Variants in SCN7A observed in about 807,000 individuals in gnomAD.
SCN7A encodes sodium channel protein type 7 subunit alpha.
A neutral mutation model predicts 155.2 loss-of-function variants in SCN7A; 138 were observed. That is an observed-to-expected ratio of 0.89 (90% CI 0.77 to 1.02). The LOEUF is 1.02. SCN7A is among the 50% of genes least tolerant of loss of function. The pLI is 0.00. For missense variants in SCN7A, 2,058 were observed against 1,986.6 expected (o/e 1.04, Z -0.68); for synonymous variants, 693 against 649.0 (o/e 1.07, Z -1.03).
At chr2:166,478,153 T>G (rs922017414) in intron 2 of SCN7A, among the ~76,000 whole-genome samples, 1 of 151,852 alleles carries the variant, frequency 6.6e-6, no homozygotes, top group Non-Finnish European at 1.5e-5. Context: ...CTCTGATTAC[T>G]TTTTTCAAAT....
At chr2:166,459,801 A>T (rs183897345) in intron 10 of SCN7A, among the ~76,000 whole-genome samples, 2 of 152,340 alleles carry the variant, frequency 1.3e-5, no homozygotes, top group East Asian at 3.9e-4. Context: ...CAGCCATAAA[A>T]AAGAATGAGT....
chr2:166,431,180 G>A (rs1057487018), intron 16 of SCN7A, among the ~76,000 whole-genome samples: 25 of 152,012 alleles, frequency 1.6e-4, no homozygotes, highest in Non-Finnish European at 2.4e-4. Context: ...AATCTTTAAC[G>A]AAGATTGAGA....
intron 3 of SCN7A, among the ~76,000 whole-genome samples, chr2:166,475,535 G>C (rs1007288816): frequency 6.6e-6 from 1 of 151,580 alleles, no homozygotes; most frequent in African/African-American, 2.4e-5. Flanking sequence ...TGAACACTTT[G>C]ACCTACACTA....
intron 10 of SCN7A, 156 bp downstream of exon 10, chr2:166,462,233 A>C: frequency 1.3e-6 from 1 of 745,772 alleles, no homozygotes; most frequent in South Asian, 2.5e-5. Context: ...TGGCCAGCAT[A>C]TAATTTGACA....
At chr2:166,484,080 T>C (rs1180838381) in intron 2 of SCN7A, among the ~76,000 whole-genome samples, 9 of 152,032 alleles carry the variant, frequency 5.9e-5, no homozygotes, top group Non-Finnish European at 1.2e-4. Flanking sequence ...TCTTGATATC[T>C]TAATAATTTT....
At chr2:166,468,941 A>C (rs1702595123) in intron 7 of SCN7A, among the ~76,000 whole-genome samples, 1 of 150,500 alleles carries the variant, frequency 6.6e-6, no homozygotes, top group Non-Finnish European at 1.5e-5. Context: ...ATTTTATAAT[A>C]CTTTTATTCT....
rs1313627241 is a variant in SCN7A, at chr2:166,405,753, C to T, written c.4876G>A (p.Ala1626Thr). ...CGTTGAATGATGGTTGCTGAAACTG[C>T]CTCTTGTTTTCGTTTCAAAGTAGTC... ...ITTTLKRKQEAVSATIIQRAY... is the reference protein window; with the variant it reads ...ITTTLKRKQETVSATIIQRAY... The change falls in exon 26 of 26, where the codon GCA becomes ACA. Residue 1626 changes from alanine to threonine, a missense_variant. Ala to Thr is a moderately conservative substitution (Grantham distance 58). Coordinates refer to ENST00000643258, the MANE Select transcript of SCN7A (RefSeq NM_002976.4). 3.1e-6 allele frequency: 5 copies of T among 1,612,842 alleles called. No individual in the cohort carries two copies. In the Admixed American group the frequency reaches 8.4e-5, roughly 27 times the overall value.
Position 166,416,777 on chromosome 2 carries a change from G to C in SCN7A, c.3344C>G (p.Ser1115Cys). ...CATTTTTGCATTTTCCCATAGCATGGATTCGTTAAACAGAAGGCTTTCACA... is the reference window on the plus strand; with the variant it reads ...CATTTTTGCATTTTCCCATAGCATGCATTCGTTAAACAGAAGGCTTTCACA... ...SRCESLLFNE[S>C]MLWENAKMNF... The change falls in exon 21 of 26, where the codon TCC becomes TGC. Residue 1115 changes from serine to cysteine, a missense_variant. Transcript: ENST00000643258. 1 of 1,613,146 alleles carries C rather than the reference G, an allele frequency of 6.2e-7. No homozygotes were observed. Among genetic ancestry groups the C allele is most frequent in the Non-Finnish European group, 8.5e-7 (1 of 1,179,554 alleles).
In SCN7A at chr2:166,432,472, CCA is replaced by C. The variant is rs748539881; in HGVS notation, c.2436_2437del (p.Ser812ArgfsTer8). On this transcript the variant is annotated frameshift_variant, in exon 16 of 26. Coordinates refer to ENST00000643258, the MANE Select transcript of SCN7A (RefSeq NM_002976.4). LOFTEE classifies it high-confidence loss of function. ...ATTTTCAGTAGCGTTTTTCTCTGTG[CCA>C]CTGCTTTTTTCCTTATCTTTGAGAA... The C allele has an allele frequency of 6.2e-7, 1 of 1,613,488 alleles. No individual in the cohort carries two copies. The highest frequency in any genetic ancestry group is 1.3e-5 in the African/African-American group (1 of 74,876).
In SCN7A at chr2:166,405,910, A is replaced by T. The variant is rs779346962; in HGVS notation, c.4719T>A (p.His1573Gln). 16 of 1,613,114 alleles carry T rather than the reference A, an allele frequency of 9.9e-6. No homozygotes were observed. The South Asian group carries it at 1.6e-4, about 17-fold the overall frequency. ...DLPMAVGDRI[H>Q]CLDILLAFTK... ...TAAAAGCAAGTAAGATATCGAGGCAATGAATTCTGTCCCCAACAGCCATGG... is the reference window on the plus strand; with the variant it reads ...TAAAAGCAAGTAAGATATCGAGGCATTGAATTCTGTCCCCAACAGCCATGG... Residue 1573 changes from histidine (H) to glutamine (Q), a missense_variant, in exon 26 of 26, where the codon CAT (histidine) becomes CAA (glutamine). His to Gln is a conservative substitution (Grantham distance 24). Coordinates refer to ENST00000643258, the MANE Select transcript of SCN7A (RefSeq NM_002976.4).
At chr2:166,420,232 T>G (rs1019392021) in intron 20 of SCN7A, among the ~76,000 whole-genome samples, 5 of 152,060 alleles carry the variant, frequency 3.3e-5, no homozygotes, top group African/African-American at 1.2e-4. Context: ...GTGTTATGGT[T>G]TCTTAATTAA....
intron 18 of SCN7A, 97 bp from the exon 19 acceptor site, chr2:166,423,529 A>G (rs1054001715): frequency 2.3e-6 from 3 of 1,316,552 alleles, no homozygotes; most frequent in Non-Finnish European, 3.0e-6. Flanking sequence ...TCTAATAGGC[A>G]TATGGTGAGC....
chr2:166,450,485 AT>A (rs1346120705), intron 11 of SCN7A, among the ~76,000 whole-genome samples: 1 of 152,080 alleles, frequency 6.6e-6, no homozygotes, highest in East Asian at 1.9e-4. Flanking sequence ...AAGAAAAGAA[AT>A]TTAAAAAAAA....
At chr2:166,481,227 T>A (rs1388700830) in intron 2 of SCN7A, among the ~76,000 whole-genome samples, 1 of 152,166 alleles carries the variant, frequency 6.6e-6, no homozygotes, top group Non-Finnish European at 1.5e-5. Context: ...TCAGTCAAAT[T>A]ATTTAATATC....
intron 21 of SCN7A, chr2:166,414,677 T>A (rs937762955): frequency 2.1e-5 from 3 of 141,202 alleles, no homozygotes; most frequent in African/African-American, 7.9e-5. Context: ...ATGTTCACAG[T>A]GGGAATAGAC....
At chr2:166,412,698 A>C (rs1191671353) in intron 22 of SCN7A, 31 bp from the exon 23 acceptor site, 14 of 1,467,860 alleles carry the variant, frequency 9.5e-6, no homozygotes, top group Non-Finnish European at 1.2e-5. Flanking sequence ...AATTATTGAT[A>C]TTGGCTTTTT....
intron 19 of SCN7A, 99 bp downstream of exon 19, chr2:166,423,159 AG>A: frequency 1.8e-6 from 2 of 1,129,104 alleles, no homozygotes; most frequent in Non-Finnish European, 2.5e-6. Flanking sequence ...GTAGAGAGAG[AG>A]GGAAAGGAAA....
chr2:166,415,243 T>C (rs1410835662), intron 21 of SCN7A, among the ~76,000 whole-genome samples: 3 of 149,798 alleles, frequency 2.0e-5, no homozygotes, highest in Non-Finnish European at 3.0e-5. Flanking sequence ...TTTTTTTCTT[T>C]GAGAGAGTGT....
At position 166,444,987 on chromosome 2, in the gene SCN7A, G is replaced by T. The variant is rs1367176693; in HGVS notation, c.1401C>A (p.Ser467=). The T allele has an allele frequency of 1.9e-6, 3 of 1,603,570 alleles. No homozygotes were observed. The African/African-American group carries it at 4.0e-5, about 22-fold the overall frequency. The change falls in exon 13 of 26, where the codon TCC becomes TCA. Residue 467 remains serine, a synonymous_variant. Coordinates refer to ENST00000643258, the MANE Select transcript of SCN7A (RefSeq NM_002976.4). ...TLRHKEELEK[S]KKICPLYWYK... ...ACCAGTATAATGGGCATATCTTCTT[G>T]GATTTTTCAAGTTCTGAAATGAAAG...
Sources: allele counts gnomAD v4.1 joint callset (sites outside exome capture counted in the v4.1 genomes callset), GRCh38; gene constraint gnomAD v4.1.1; transcripts MANE v1.5; gene names NCBI Gene and HGNC (gene_info 2026-07-23, HGNC 2026-07-21).